Variants in CEP128 observed in about 807,000 individuals in gnomAD.
CEP128 encodes centrosomal protein 128kDa.
CEP128 carries 132 observed loss-of-function variants against 156.7 expected under a neutral mutation model. That is an observed-to-expected ratio of 0.84 (90% CI 0.73 to 0.97). The LOEUF (loss-of-function observed/expected upper bound fraction) is 0.97, where lower values mean the gene tolerates loss of function less well. Among genes scored for constraint, CEP128 ranks in the 50% least tolerant of loss-of-function variants. CEP128 has a pLI of 0.00. For missense variants in CEP128, 1,252 were observed against 1,281.9 expected (o/e 0.98, Z 0.36); for synonymous variants, 469 against 448.9 (o/e 1.04, Z -0.57).
intron 19 of CEP128, among the ~76,000 whole-genome samples, chr14:80,680,963 T>C (rs750130941): frequency 2.0e-5 from 3 of 152,034 alleles, no homozygotes; most frequent in African/African-American, 7.2e-5. Context: ...CCTGAGACAA[T>C]AGAGACCCTC....
At chr14:80,595,891 A>C (rs945310546) in intron 19 of CEP128, among the ~76,000 whole-genome samples, 1 of 152,046 alleles carries the variant, frequency 6.6e-6, no homozygotes, top group Admixed American at 6.6e-5. Flanking sequence ...AAACCATCGG[A>C]TCTCATGAGA....
intron 8 of CEP128, among the ~76,000 whole-genome samples, chr14:80,876,947 A>T (rs1256763147): frequency 2.0e-5 from 3 of 152,232 alleles, no homozygotes; most frequent in African/African-American, 7.2e-5. Flanking sequence ...CTAAGGGTAA[A>T]CCTAAATAAA....
rs1884557469 is a variant in CEP128 at position 80,916,406 on chromosome 14, A to AAGT, written c.139_141dup (p.Thr47dup). ...GCAACCATTGTTAAACTAACCTGTA[A>AAGT]AGTACTTGTTATAGTGTTGACCTTC... On this transcript the variant is annotated inframe_insertion, in exon 3 of 25. Transcript: ENST00000555265. 1.2e-6 allele frequency: 2 copies of AAGT among 1,612,424 alleles called. No homozygotes were observed. Among genetic ancestry groups the AAGT allele is most frequent in the South Asian group, 2.2e-5 (2 of 90,998 alleles).
chr14:80,656,321 A>T (rs1208829786), intron 19 of CEP128, among the ~76,000 whole-genome samples: 7 of 22,898 alleles, frequency 3.1e-4, no homozygotes, highest in African/African-American at 1.1e-3. Context: ...ATATATATAT[A>T]TATATATATA....
Position 80,526,913 on chromosome 14 carries a change from G to A in CEP128, c.3028C>T (p.Gln1010Ter). ...SKYRVRRNSL[Q>*]HHQDDTKYRT... is the part of the protein sequence containing the mutation. ...TACTTGGTGTCATCTTGGTGATGCT[G>A]AAGAGAATTTCTGCGAACCCTGTAT... is the stretch of plus-strand genomic sequence containing the variant. The change falls in exon 23 of 25, where the codon CAG becomes TAG. Residue 1010 changes from glutamine to a stop codon, truncating the protein, a stop_gained. Coordinates refer to ENST00000555265, the MANE Select transcript of CEP128 (RefSeq NM_152446.5). LOFTEE classifies it high-confidence loss of function. 6.2e-7 allele frequency: 1 copy of A among 1,610,512 alleles called. No homozygotes were observed. Among genetic ancestry groups the A allele is most frequent in the Non-Finnish European group, 8.5e-7 (1 of 1,178,186 alleles).
intron 8 of CEP128, among the ~76,000 whole-genome samples, chr14:80,883,242 T>TCA (rs1888636154): frequency 1.3e-5 from 2 of 151,402 alleles, no homozygotes; most frequent in East Asian, 3.9e-4. Flanking sequence ...AGGCTGAATC[T>TCA]TTGAGAGTGG....
rs950173658 is a variant in CEP128 at position 80,916,682 on chromosome 14, C to T, written c.-15-120G>A. The stretch of plus-strand genomic sequence containing the variant: ...TTTAATACATTAGTAATTTTGCACA[C>T]TGTAATTTCTACATACATAGCTTAA... On this transcript the variant is annotated intron_variant, in intron 2 of 24. Transcript: ENST00000555265. 6 of 725,726 alleles carry T rather than the reference C, an allele frequency of 8.3e-6. No individual in the cohort carries two copies. In the African/African-American group the frequency reaches 1.1e-4, roughly 13 times the overall value. 45.0% of individuals were successfully genotyped at this position (725,726 alleles called of 1,614,324 possible). A position where few individuals can be genotyped will look rare whatever the true frequency, so the allele number is the denominator to read the frequency against.
At chr14:80,765,115 C>T (rs1160995979) in intron 16 of CEP128, among the ~76,000 whole-genome samples, 4 of 152,120 alleles carry the variant, frequency 2.6e-5, no homozygotes, top group Non-Finnish European at 5.9e-5. Flanking sequence ...TGGCTAAGAT[C>T]GAGTGTGGAG....
At chr14:80,755,510 T>C (rs1249668204) in intron 18 of CEP128, among the ~76,000 whole-genome samples, 1 of 152,202 alleles carries the variant, frequency 6.6e-6, no homozygotes, top group Non-Finnish European at 1.5e-5. Flanking sequence ...ACAAAGCAAC[T>C]GTGTGCAATC....
At chr14:80,778,838 C>T (rs1424967353) in intron 15 of CEP128, among the ~76,000 whole-genome samples, 1 of 152,174 alleles carries the variant, frequency 6.6e-6, no homozygotes, top group East Asian at 1.9e-4. Context: ...ATGTGCCAGA[C>T]ACTGCTCTAA....
At chr14:80,561,788 G>A (rs1890684383) in intron 20 of CEP128, among the ~76,000 whole-genome samples, 1 of 151,878 alleles carries the variant, frequency 6.6e-6, no homozygotes. Context: ...TTGTGTATGA[G>A]TACCTTCATT....
chr14:80,634,638 C>A (rs1353675930), intron 19 of CEP128, among the ~76,000 whole-genome samples: 6 of 152,114 alleles, frequency 3.9e-5, no homozygotes, highest in African/African-American at 1.4e-4. Context: ...TTTTTCCCAA[C>A]TTCTAATTTG....
intron 12 of CEP128, among the ~76,000 whole-genome samples, chr14:80,833,980 C>T (rs866824295): frequency 2.6e-4 from 40 of 151,988 alleles, no homozygotes; most frequent in South Asian, 2.1e-4. Flanking sequence ...TTTGAGGAGA[C>T]GATGAATTCA....
intron 19 of CEP128, among the ~76,000 whole-genome samples, chr14:80,619,517 C>T (rs376554594): frequency 1.3e-4 from 19 of 148,848 alleles, no homozygotes; most frequent in South Asian, 2.2e-4. Flanking sequence ...CCGGCCACCA[C>T]GGTGAAACCT....
intron 4 of CEP128, among the ~76,000 whole-genome samples, chr14:80,913,707 T>C (rs911018566): frequency 1.3e-5 from 2 of 152,082 alleles, no homozygotes; most frequent in Non-Finnish European, 2.9e-5. Context: ...TAATGGACAT[T>C]GGAGACTCAG....
chr14:80,844,012 C>A (rs146742182), intron 9 of CEP128, among the ~76,000 whole-genome samples: 9 of 151,976 alleles, frequency 5.9e-5, no homozygotes, highest in East Asian at 1.9e-4. Context: ...TTAACACATA[C>A]TTTTTTTGTC....
chr14:80,664,254 G>C (rs2140906003), intron 19 of CEP128, among the ~76,000 whole-genome samples: 1 of 152,272 alleles, frequency 6.6e-6, no homozygotes, highest in Non-Finnish European at 1.5e-5. Context: ...AAGGCCTCAA[G>C]GCCTTCTGGC....
intron 22 of CEP128, among the ~76,000 whole-genome samples, chr14:80,527,970 G>C (rs941363684): frequency 1.3e-5 from 2 of 151,338 alleles, no homozygotes; most frequent in African/African-American, 4.9e-5. Flanking sequence ...TATTTAGGGA[G>C]AAATTAGAAA....
At chr14:80,644,456 A>G (rs1310748803) in intron 19 of CEP128, among the ~76,000 whole-genome samples, 1 of 152,206 alleles carries the variant, frequency 6.6e-6, no homozygotes, top group African/African-American at 2.4e-5. Flanking sequence ...TGGGTGTTAC[A>G]CTATCAGGAG....
Sources: gnomAD v4.1 joint callset for allele counts (sites outside exome capture counted in the v4.1 genomes callset) on GRCh38, gnomAD v4.1.1 for gene constraint, MANE v1.5 for transcripts, NCBI Gene and HGNC (gene_info 2026-07-23, HGNC 2026-07-21) for gene names.